Variants in TTC28 observed in about 807,000 individuals in gnomAD.
TTC28 encodes the protein tetratricopeptide repeat domain 28, also known as tetratricopeptide repeat protein 28.
In TTC28, 61 loss-of-function variants were observed where a neutral mutation model predicts 198.0. The ratio of observed to expected loss-of-function variants is 0.31; its 90% CI spans 0.25 to 0.38. The LOEUF (loss-of-function observed/expected upper bound fraction) is 0.38. Among genes scored for constraint, TTC28 ranks in the 10% least tolerant of loss-of-function variants. The pLI, the probability that TTC28 is intolerant of heterozygous loss-of-function variation, is 1.00. For missense variants in TTC28, 2,678 were observed against 3,164.0 expected (o/e 0.85, Z 3.69); for synonymous variants, 1,171 against 1,297.8 (o/e 0.90, Z 2.10).
chr22:28,398,655 A>AGCCTGCTGT (rs1270398714), intron 2 of TTC28, among the ~76,000 whole-genome samples: 1 of 152,228 alleles, frequency 6.6e-6, no homozygotes. Context: ...CTGCAGAAAA[A>AGCCTGCTGT]GCCTGCTGTG....
At chr22:28,475,149 C>CAAAAAAAAAAAA (rs386395148) in intron 2 of TTC28, among the ~76,000 whole-genome samples, 11 of 64,990 alleles carry the variant, frequency 1.7e-4, no homozygotes, top group Non-Finnish European at 2.5e-4. Flanking sequence ...GACTCCATCT[C>CAAAAAAAAAAAA]AAAAAAAAAA....
At chr22:28,329,979 C>A (rs565375667) in intron 2 of TTC28, among the ~76,000 whole-genome samples, 1 of 152,252 alleles carries the variant, frequency 6.6e-6, no homozygotes, top group African/African-American at 2.4e-5. Flanking sequence ...TGCTTAGAGC[C>A]TACTTAGTCC....
chr22:28,032,219 AAATATATATATATAAAATATATATATAT>A (rs1939138344), intron 12 of TTC28, among the ~76,000 whole-genome samples: 2 of 113,734 alleles, frequency 1.8e-5, no homozygotes, highest in Admixed American at 1.8e-4. Flanking sequence ...TATATATATA[AAATATATATATATAAAATATATATATAT>A]AAAATATATA....
chr22:28,553,237 C>T (rs997156004), intron 2 of TTC28, among the ~76,000 whole-genome samples: 1 of 151,994 alleles, frequency 6.6e-6, no homozygotes, highest in Non-Finnish European at 1.5e-5. Flanking sequence ...AGCGTCTCTG[C>T]CTGGCCGCCC....
intron 2 of TTC28, among the ~76,000 whole-genome samples, chr22:28,338,781 C>T (rs185849982): frequency 7.2e-5 from 11 of 152,214 alleles, no homozygotes; most frequent in Non-Finnish European, 1.3e-4. Context: ...GCCATGGGTT[C>T]GAACTTCCTC....
At chr22:28,299,447 A>T (rs1033406608) in intron 3 of TTC28, among the ~76,000 whole-genome samples, 2 of 152,152 alleles carry the variant, frequency 1.3e-5, no homozygotes, top group Non-Finnish European at 2.9e-5. Flanking sequence ...CTTCAATCAG[A>T]TCACTAACAG....
chr22:28,076,490 G>A (rs1281976705), intron 12 of TTC28, among the ~76,000 whole-genome samples: 1 of 152,138 alleles, frequency 6.6e-6, no homozygotes, highest in Non-Finnish European at 1.5e-5. Flanking sequence ...GGGTAAAAGG[G>A]AATCTCTCTG....
At chr22:28,049,670 A>G (rs1028292848) in intron 12 of TTC28, among the ~76,000 whole-genome samples, 2 of 151,996 alleles carry the variant, frequency 1.3e-5, no homozygotes, top group African/African-American at 4.8e-5. Context: ...ACATACACAT[A>G]ATGTGAGGTG....
chr22:28,323,343 G>A (rs1199882304), intron 2 of TTC28, among the ~76,000 whole-genome samples: 3 of 152,162 alleles, frequency 2.0e-5, no homozygotes. Context: ...AAATATTATA[G>A]CTGTTTCAAA....
intron 2 of TTC28, among the ~76,000 whole-genome samples, chr22:28,608,249 C>T (rs181676020): frequency 2.5e-4 from 38 of 152,290 alleles, no homozygotes; most frequent in African/African-American, 8.4e-4. Flanking sequence ...GGTATGAAAA[C>T]CAAAAGCTTA....
At chr22:28,554,436 A>G (rs13340072) in intron 2 of TTC28, among the ~76,000 whole-genome samples, 7 of 152,206 alleles carry the variant, frequency 4.6e-5, no homozygotes, top group East Asian at 1.9e-4. Flanking sequence ...AAGATTCTAG[A>G]AGACAACATT....
intron 2 of TTC28, among the ~76,000 whole-genome samples, chr22:28,351,619 A>G (rs2045997582): frequency 6.6e-6 from 1 of 152,206 alleles, no homozygotes; most frequent in African/African-American, 2.4e-5. Context: ...GCAGATGTTC[A>G]TTCAGAGCCA....
chr22:28,109,139 C>T (rs1393606599), intron 6 of TTC28, among the ~76,000 whole-genome samples: 1 of 152,136 alleles, frequency 6.6e-6, no homozygotes, highest in Non-Finnish European at 1.5e-5. Flanking sequence ...GATTGCATAA[C>T]AATACACGTA....
chr22:28,643,734 A>T (rs2051407801), intron 1 of TTC28, among the ~76,000 whole-genome samples: 3 of 152,186 alleles, frequency 2.0e-5, no homozygotes, highest in Admixed American at 2.0e-4. Context: ...TTCCTTAGAG[A>T]CTTTAATATG....
intron 5 of TTC28, among the ~76,000 whole-genome samples, chr22:28,290,945 A>T (rs2044776616): frequency 6.6e-6 from 1 of 151,976 alleles, no homozygotes; most frequent in African/African-American, 2.4e-5. Context: ...AAAATATCTC[A>T]TTTCCAATAA....
intron 2 of TTC28, among the ~76,000 whole-genome samples, chr22:28,361,014 A>G (rs1408919044): frequency 1.3e-5 from 2 of 152,072 alleles, no homozygotes; most frequent in South Asian, 2.1e-4. Flanking sequence ...TGTTCTGACT[A>G]CTCCACCAAC....
chr22:28,461,644 G>C (rs924392276), intron 2 of TTC28, among the ~76,000 whole-genome samples: 3 of 152,020 alleles, frequency 2.0e-5, no homozygotes, highest in African/African-American at 7.2e-5. Flanking sequence ...GGCCAGGCTC[G>C]TCTCGAACTC....
At chr22:28,468,031 A>G (rs1303683534) in intron 2 of TTC28, among the ~76,000 whole-genome samples, 2 of 152,000 alleles carry the variant, frequency 1.3e-5, no homozygotes, top group Non-Finnish European at 2.9e-5. Context: ...TCAGTCTCCC[A>G]AAGTGCTAGG....
intron 1 of TTC28, among the ~76,000 whole-genome samples, chr22:28,639,367 C>T (rs564554567): frequency 1.7e-4 from 26 of 152,328 alleles, no homozygotes; most frequent in Non-Finnish European, 2.4e-4. Flanking sequence ...TTTTTCCTTA[C>T]CCCCTCTCCA....
Sources: allele counts gnomAD v4.1 joint callset (sites outside exome capture counted in the v4.1 genomes callset), GRCh38; gene constraint gnomAD v4.1.1; transcripts MANE v1.5; gene names NCBI Gene and HGNC (gene_info 2026-07-23, HGNC 2026-07-21).